CLEC16A: variants seen among roughly 807,000 people sequenced by gnomAD.
The protein encoded by CLEC16A is protein CLEC16A.
A neutral mutation model predicts 109.5 loss-of-function variants in CLEC16A; 51 were observed. The ratio of observed to expected loss-of-function variants is 0.47; its 90% confidence interval spans 0.37 to 0.59. The LOEUF is 0.59. Among genes scored for constraint, CLEC16A ranks in the 20% least tolerant of loss-of-function variants. CLEC16A has a pLI of 0.00. For synonymous variants in CLEC16A, 673 were observed against 564.2 expected (o/e 1.19, Z -2.73); for missense variants, 1,339 against 1,394.0 (o/e 0.96, Z 0.63).
intron 1 of CLEC16A, among the ~76,000 whole-genome samples, chr16:10,956,636 C>T (rs2042000952): frequency 6.6e-6 from 1 of 152,178 alleles, no homozygotes; most frequent in African/African-American, 2.4e-5. Context: ...GGCTTCTGGT[C>T]CCCGCGCTGC....
At chr16:11,077,964 C>CGTGTGTGTGT (rs34576806) in intron 19 of CLEC16A, among the ~76,000 whole-genome samples, 91 of 135,616 alleles carry the variant, frequency 6.7e-4, no homozygotes, top group East Asian at 3.9e-3. Context: ...CAAAAAAAAA[C>CGTGTGTGTGT]GTGTGTGTGT....
intron 22 of CLEC16A, among the ~76,000 whole-genome samples, chr16:11,162,711 G>A (rs2054767225): frequency 6.6e-6 from 1 of 152,186 alleles, no homozygotes; most frequent in African/African-American, 2.4e-5. Context: ...CAGCGTGTTG[G>A]TTGGCAGCAG....
intron 10 of CLEC16A, among the ~76,000 whole-genome samples, chr16:10,984,373 C>G (rs1437798441): frequency 6.6e-6 from 1 of 152,190 alleles, no homozygotes; most frequent in African/African-American, 2.4e-5. Context: ...TGGCCCCTGT[C>G]TGGCCTATCC....
intron 18 of CLEC16A, among the ~76,000 whole-genome samples, chr16:11,052,166 G>A (rs1372698133): frequency 2.0e-5 from 3 of 152,164 alleles, no homozygotes; most frequent in Non-Finnish European, 4.4e-5. Context: ...TCCGTTATCA[G>A]CCCTTTTTTT....
chr16:11,117,798 T>C (rs2052110639), intron 19 of CLEC16A, among the ~76,000 whole-genome samples: 1 of 152,216 alleles, frequency 6.6e-6, no homozygotes, highest in African/African-American at 2.4e-5. Flanking sequence ...ATAGTTCTCC[T>C]GTTTGGGGAC....
chr16:11,156,533 T>C (rs1177822410), intron 22 of CLEC16A: 2 of 1,230,022 alleles, frequency 1.6e-6, no homozygotes, highest in Non-Finnish European at 2.2e-6. Flanking sequence ...GGGAGTCTCC[T>C]GGGTGCTGTC....
chr16:11,150,897 C>A (rs938815805), intron 22 of CLEC16A, among the ~76,000 whole-genome samples: 8 of 152,144 alleles, frequency 5.3e-5, no homozygotes, highest in African/African-American at 1.9e-4. Context: ...GAAGTATCAC[C>A]CCAGTCTTGC....
At chr16:11,129,514 TAAAAG>T (rs1200978147) in intron 22 of CLEC16A, among the ~76,000 whole-genome samples, 1 of 152,166 alleles carries the variant, frequency 6.6e-6, no homozygotes, top group African/African-American at 2.4e-5. Flanking sequence ...AATATGAACA[TAAAAG>T]AAAAATGTCT....
intron 19 of CLEC16A, among the ~76,000 whole-genome samples, chr16:11,092,968 C>T (rs2050397937): frequency 6.6e-6 from 1 of 152,222 alleles, no homozygotes; most frequent in African/African-American, 2.4e-5. Context: ...CAGGAAGCTC[C>T]CCCTACCCCA....
intron 19 of CLEC16A, among the ~76,000 whole-genome samples, chr16:11,120,194 C>G (rs2052303140): frequency 6.6e-6 from 1 of 152,230 alleles, no homozygotes; most frequent in South Asian, 2.1e-4. Flanking sequence ...TGGTCTCGAA[C>G]TCTTCACCCC....
chr16:10,962,852 G>A (rs539222026), intron 3 of CLEC16A, among the ~76,000 whole-genome samples: 1 of 152,286 alleles, frequency 6.6e-6, no homozygotes, highest in East Asian at 1.9e-4. Flanking sequence ...GAGCTCAGGA[G>A]TTTGAGAACA....
intron 1 of CLEC16A, among the ~76,000 whole-genome samples, chr16:10,952,308 A>G (rs941972218): frequency 2.6e-5 from 4 of 152,258 alleles, no homozygotes; most frequent in African/African-American, 9.6e-5. Context: ...AGCCTGGCCA[A>G]CATGGCTAAA....
At chr16:11,012,203 A>C (rs896087821) in intron 11 of CLEC16A, among the ~76,000 whole-genome samples, 1 of 152,248 alleles carries the variant, frequency 6.6e-6, no homozygotes, top group Non-Finnish European at 1.5e-5. Flanking sequence ...TTCATGTGGC[A>C]TACTTCTGGT....
In CLEC16A at chr16:11,082,652, G is replaced by A. The variant is rs116303131; in HGVS notation, c.2116+21630G>A. ...CATCCTGGGCCAGCTCAGCCCTGGCGATCAAGCTAAGCTGGTGCTCCCTCT... is the reference window on the plus strand; with the variant it reads ...CATCCTGGGCCAGCTCAGCCCTGGCAATCAAGCTAAGCTGGTGCTCCCTCT... On this transcript the variant is annotated intron_variant, in intron 19 of 23. Coordinates refer to ENST00000409790, the MANE Select transcript of CLEC16A (RefSeq NM_015226.3). 7.3e-3 allele frequency among the ~76,000 whole-genome samples: 1,110 copies of A among 152,262 alleles called. 15 individuals are homozygous for A. Among genetic ancestry groups the A allele is most frequent in the African/African-American group, 0.025 (1,025 of 41,536 alleles).
At position 11,178,168 on chromosome 16, in the gene CLEC16A, T is replaced by C. The variant is rs1336384683; in HGVS notation, c.2807-167T>C. ...CCTAAGTCAGACTGGATTTTGCAGG[T>C]TCTGTGTCCCCAAAAGGAGTGAGTG... On this transcript the variant is annotated intron_variant, in intron 23 of 23. Coordinates refer to ENST00000409790, the MANE Select transcript of CLEC16A (RefSeq NM_015226.3). The surrounding 1 kb of genome is among the most constrained non-coding windows in gnomAD (Gnocchi z 6.5). Among the ~76,000 whole-genome samples the C allele has an allele frequency of 5.3e-5, 8 of 152,144 alleles. No homozygotes were observed. The highest frequency in any genetic ancestry group is 1.9e-4 in the African/African-American group (8 of 41,424).
chr16:11,010,018 C>T (rs575506449), intron 11 of CLEC16A, among the ~76,000 whole-genome samples: 16 of 152,154 alleles, frequency 1.1e-4, no homozygotes, highest in African/African-American at 3.1e-4. Context: ...CCAGTCACAG[C>T]GGTGTGTGCC....
chr16:11,163,049 CTG>C (rs2054781205), intron 22 of CLEC16A, among the ~76,000 whole-genome samples: 1 of 152,226 alleles, frequency 6.6e-6, no homozygotes, highest in Admixed American at 6.5e-5. Context: ...TCTGGCTTGT[CTG>C]TGTGTTTGCA....
intron 17 of CLEC16A, among the ~76,000 whole-genome samples, chr16:11,050,395 G>A (rs1428321020): frequency 2.0e-5 from 3 of 152,226 alleles, no homozygotes; most frequent in Admixed American, 2.0e-4. Flanking sequence ...CCTGCCCTAT[G>A]TAGTCAGCTT....
chr16:11,031,303 A>G (rs1248070250), intron 13 of CLEC16A, among the ~76,000 whole-genome samples: 2 of 151,722 alleles, frequency 1.3e-5, no homozygotes, highest in African/African-American at 2.4e-5. Flanking sequence ...GCCAGGCTCC[A>G]TGGGACAGTG....
Sources: gnomAD v4.1 joint callset for allele counts (sites outside exome capture counted in the v4.1 genomes callset) on GRCh38, gnomAD v4.1.1 for gene constraint, Gnocchi (gnomAD v3.1) non-coding constraint, MANE v1.5 for transcripts, NCBI Gene and HGNC (gene_info 2026-07-23, HGNC 2026-07-21) for gene names.